SAMD12: variants seen among roughly 807,000 people sequenced by gnomAD.
SAMD12 encodes the protein sterile alpha motif domain-containing protein 12.
A neutral mutation model predicts 15.0 loss-of-function variants in SAMD12; 9 were observed. That is an observed-to-expected ratio of 0.60 (90% CI 0.36 to 1.05). SAMD12 has a LOEUF of 1.05. SAMD12 is among the 50% of genes least tolerant of loss of function. The pLI is 0.01. For missense variants in SAMD12, 230 were observed against 234.2 expected, an observed-to-expected ratio of 0.98 and a Z score of 0.12; for synonymous variants, 86 against 90.1, an observed-to-expected ratio of 0.96 and a Z score of 0.25.
intron 2 of SAMD12, among the ~76,000 whole-genome samples, chr8:118,579,456 C>T (rs906957910): frequency 4.6e-5 from 7 of 152,098 alleles, no homozygotes; most frequent in South Asian, 2.1e-4. Context: ...AAATGTCTAG[C>T]GTAAAATGCC....
intron 4 of SAMD12, among the ~76,000 whole-genome samples, chr8:118,336,630 G>C (rs768801034): frequency 5.1e-4 from 77 of 152,154 alleles, no homozygotes; most frequent in Non-Finnish European, 9.7e-4. Context: ...CTAGTTTACA[G>C]TCCCACCAAC....
At chr8:118,398,517 C>T (rs1820704862) in intron 3 of SAMD12, among the ~76,000 whole-genome samples, 1 of 152,216 alleles carries the variant, frequency 6.6e-6, no homozygotes, top group South Asian at 2.1e-4. Context: ...TCTTCTCCAT[C>T]CCCTCTGCTG....
At chr8:118,533,617 G>C (rs1263496124) in intron 2 of SAMD12, among the ~76,000 whole-genome samples, 2 of 152,098 alleles carry the variant, frequency 1.3e-5, no homozygotes, top group Non-Finnish European at 2.9e-5. Flanking sequence ...TATGAATCTG[G>C]GTGCTCCTGT....
At chr8:118,390,018 T>C (rs1820183568) in intron 3 of SAMD12, among the ~76,000 whole-genome samples, 2 of 152,018 alleles carry the variant, frequency 1.3e-5, no homozygotes, top group Non-Finnish European at 2.9e-5. Flanking sequence ...ATTTAACTTT[T>C]TTTTTTGAGA....
At chr8:118,208,721 A>G (rs958434964) in intron 4 of SAMD12, among the ~76,000 whole-genome samples, 1 of 152,210 alleles carries the variant, frequency 6.6e-6, no homozygotes, top group Non-Finnish European at 1.5e-5. Context: ...TTATCTTTAT[A>G]TGGTTATGTA....
At chr8:118,429,214 A>G (rs1822326213) in intron 3 of SAMD12, among the ~76,000 whole-genome samples, 1 of 152,190 alleles carries the variant, frequency 6.6e-6, no homozygotes, top group Non-Finnish European at 1.5e-5. Context: ...TAGTTCTTGT[A>G]GGATTTTTTT....
At chr8:118,515,093 A>T (rs964863625) in intron 2 of SAMD12, among the ~76,000 whole-genome samples, 3 of 151,456 alleles carry the variant, frequency 2.0e-5, no homozygotes, top group African/African-American at 7.3e-5. Flanking sequence ...ATCTCGGCTC[A>T]CTGCAAGCTC....
the SAMD12 span, among the ~76,000 whole-genome samples, chr8:118,142,621 T>C: frequency 6.6e-6 from 1 of 152,222 alleles, no homozygotes; most frequent in African/African-American, 2.4e-5. Flanking sequence ...CTTCCTGCTA[T>C]CTGCTTCTAT....
At chr8:118,464,691 C>G (rs1400339403) in intron 2 of SAMD12, among the ~76,000 whole-genome samples, 1 of 151,902 alleles carries the variant, frequency 6.6e-6, no homozygotes, top group African/African-American at 2.4e-5. Flanking sequence ...GTTACAGGCT[C>G]CTAGTGGGCC....
intron 2 of SAMD12, among the ~76,000 whole-genome samples, chr8:118,457,420 A>G (rs1315718370): frequency 6.6e-6 from 1 of 151,444 alleles, no homozygotes; most frequent in African/African-American, 2.4e-5. Flanking sequence ...AAATAGAGAC[A>G]GGGTCTCACT....
chr8:118,384,940 C>A (rs371612300), intron 3 of SAMD12, among the ~76,000 whole-genome samples: 42 of 152,224 alleles, frequency 2.8e-4, no homozygotes, highest in African/African-American at 1.0e-3. Flanking sequence ...GGGCTAAAAA[C>A]ATTCCCCAGA....
Position 118,387,517 on chromosome 8 carries a change from C to G in SAMD12, c.323-7817G>C, listed in dbSNP as rs566578822. 3.8e-4 allele frequency among the ~76,000 whole-genome samples: 58 copies of G among 152,218 alleles called. 1 individual carries two copies. The South Asian group carries it at 0.01, about 27-fold the overall frequency. The stretch of plus-strand genomic sequence containing the variant: ...ATCAAATGTCTATGGTGCAGTTACT[C>G]TGTTAAACACTATCCTAGTAGCTTT... On this transcript the variant is annotated intron_variant, in intron 3 of 3. Transcript: ENST00000314727.
At chr8:118,427,848 T>G (rs946454291) in intron 3 of SAMD12, among the ~76,000 whole-genome samples, 1 of 152,210 alleles carries the variant, frequency 6.6e-6, no homozygotes, top group Non-Finnish European at 1.5e-5. Flanking sequence ...CATAAGAAAC[T>G]TGACATTTTC....
At chr8:118,323,007 TA>T (rs1396075433) in intron 4 of SAMD12, among the ~76,000 whole-genome samples, 3 of 152,198 alleles carry the variant, frequency 2.0e-5, no homozygotes, top group Non-Finnish European at 4.4e-5. Context: ...CAACAGAATG[TA>T]AACACAAGTG....
intron 1 of SAMD12, among the ~76,000 whole-genome samples, chr8:118,583,243 C>A (rs1827341985): frequency 6.6e-6 from 1 of 152,178 alleles, no homozygotes; most frequent in Non-Finnish European, 1.5e-5. Context: ...CAACAATGCC[C>A]ACTTTAGGCA....
intron 2 of SAMD12, among the ~76,000 whole-genome samples, chr8:118,569,345 C>T (rs1438531497): frequency 6.6e-6 from 1 of 152,084 alleles, no homozygotes; most frequent in Admixed American, 6.5e-5. Context: ...GAATTTCATG[C>T]TTAGACTTGG....
At chr8:118,525,320 C>G (rs1056423425) in intron 2 of SAMD12, among the ~76,000 whole-genome samples, 1 of 152,152 alleles carries the variant, frequency 6.6e-6, no homozygotes, top group Non-Finnish European at 1.5e-5. Flanking sequence ...TTTCCCCATA[C>G]CCCACCCCAT....
chr8:118,589,368 T>C (rs1013519111), intron 1 of SAMD12, among the ~76,000 whole-genome samples: 1 of 152,212 alleles, frequency 6.6e-6, no homozygotes, highest in Non-Finnish European at 1.5e-5. Context: ...CTGGTTTACT[T>C]GTCTACAGAA....
the SAMD12 span, among the ~76,000 whole-genome samples, chr8:118,154,726 CA>C: frequency 6.6e-6 from 1 of 152,072 alleles, no homozygotes; most frequent in Non-Finnish European, 1.5e-5. Flanking sequence ...TCCTATGGCC[CA>C]GCACTGCAAA....
Sources: gnomAD v4.1 joint callset for allele counts (sites outside exome capture counted in the v4.1 genomes callset) on GRCh38, gnomAD v4.1.1 for gene constraint, MANE v1.5 for transcripts, NCBI Gene and HGNC (gene_info 2026-07-23, HGNC 2026-07-21) for gene names.